The following RBFOX1 variants were observed in gnomAD, a reference collection of about 807,000 sequenced individuals.
The protein encoded by RBFOX1 is RNA binding protein fox-1 homolog 1.
In RBFOX1, 8 loss-of-function variants were observed where a neutral mutation model predicts 57.7. The ratio of observed to expected loss-of-function variants is 0.14; its 90% CI spans 0.08 to 0.25. The LOEUF is 0.25. Among genes scored for constraint, RBFOX1 ranks in the 10% least tolerant of loss-of-function variants. The pLI is 1.00. For missense variants in RBFOX1, 611 were observed against 548.5 expected (o/e 1.11, Z -1.14); for synonymous variants, 326 against 222.4 (o/e 1.47, Z -4.15).
chr16:6,651,671 T>C (rs2098597148), intron 2 of RBFOX1, among the ~76,000 whole-genome samples: 1 of 152,110 alleles, frequency 6.6e-6, no homozygotes, highest in African/African-American at 2.4e-5. Context: ...AATGAAACAT[T>C]GAATTACCAT....
intron 2 of RBFOX1, among the ~76,000 whole-genome samples, chr16:6,588,943 T>G (rs879350966): frequency 1.3e-5 from 2 of 152,144 alleles, no homozygotes; most frequent in Non-Finnish European, 2.9e-5. Flanking sequence ...GATACACTAG[T>G]CTTGTACTTA....
chr16:6,385,472 G>C lies in RBFOX1; in HGVS notation c.-64+68415G>C, dbSNP rs144375523. On this transcript the variant is annotated intron_variant, in intron 2 of 15. Coordinates refer to ENST00000550418, the MANE Select transcript of RBFOX1 (RefSeq NM_018723.4). Reference sequence around the variant, plus strand: ...CCTCCCAGGATCAAGTGATTCTCCTGCCTCTGCCTCCCCAGTAGCTGGGAT... The same window carrying C: ...CCTCCCAGGATCAAGTGATTCTCCTCCCTCTGCCTCCCCAGTAGCTGGGAT... Among the ~76,000 whole-genome samples, 17 of 152,292 alleles carry C rather than the reference G, an allele frequency of 1.1e-4. No individual in the cohort carries two copies. In the East Asian group the frequency reaches 3.3e-3, roughly 29 times the overall value.
At chr16:7,477,196 G>A (rs548489862) in intron 4 of RBFOX1, among the ~76,000 whole-genome samples, 4 of 152,162 alleles carry the variant, frequency 2.6e-5, no homozygotes, top group South Asian at 4.2e-4. Context: ...TGCTAAAATC[G>A]GTATATCTGT....
At chr16:7,167,472 C>G (rs1268535805) in intron 4 of RBFOX1, among the ~76,000 whole-genome samples, 2 of 152,080 alleles carry the variant, frequency 1.3e-5, no homozygotes, top group African/African-American at 2.4e-5. Flanking sequence ...GATGCAGCCA[C>G]AAGCCAAGGA....
chr16:6,255,272 C>T (rs750149791), intron 1 of RBFOX1, among the ~76,000 whole-genome samples: 12 of 152,166 alleles, frequency 7.9e-5, no homozygotes, highest in African/African-American at 2.9e-4. Context: ...CATTCCCAGG[C>T]ATGGGAAAAC....
rs551019227 is a variant in RBFOX1 at position 7,382,634 on chromosome 16, T to C, written c.28-135513T>C. 6.8e-4 allele frequency among the ~76,000 whole-genome samples: 104 copies of C among 152,336 alleles called. 1 individual carries two copies. The South Asian group carries it at 0.01, about 15-fold the overall frequency. On this transcript the variant is annotated intron_variant, in intron 4 of 15. Transcript: ENST00000550418. ...GCGCAAGATGGCAAGAACAGTGTTTTTCATAGTTAAAAGGAATTAAAATCT... is the reference window on the plus strand; with the variant it reads ...GCGCAAGATGGCAAGAACAGTGTTTCTCATAGTTAAAAGGAATTAAAATCT...
At position 6,607,882 on chromosome 16, in the gene RBFOX1, C is replaced by A. The variant is rs11644959; in HGVS notation, c.-63-46721C>A. Among the ~76,000 whole-genome samples, 378 of 152,246 alleles carry A rather than the reference C, an allele frequency of 2.5e-3. 4 individuals are homozygous for A. The highest frequency in any genetic ancestry group is 3.7e-3 in the Non-Finnish European group (254 of 68,026). ...TTTAGCCTTTAAAATTCTCTTTGTC[C>A]ACAAACCTCCTTGTTTCTGGAGTTG... On this transcript the variant is annotated intron_variant, in intron 2 of 15. Coordinates refer to ENST00000550418, the MANE Select transcript of RBFOX1 (RefSeq NM_018723.4).
intron 3 of RBFOX1, among the ~76,000 whole-genome samples, chr16:5,716,198 A>T (rs1051004563): frequency 6.6e-6 from 1 of 152,146 alleles, no homozygotes; most frequent in Non-Finnish European, 1.5e-5. Context: ...TTAAACTTTT[A>T]TTTGGTTGGC....
At chr16:7,441,804 C>T (rs952222412) in intron 4 of RBFOX1, among the ~76,000 whole-genome samples, 8 of 152,188 alleles carry the variant, frequency 5.3e-5, no homozygotes, top group African/African-American at 1.7e-4. Flanking sequence ...AACACAGACC[C>T]TCTTACTCAG....
intron 3 of RBFOX1, among the ~76,000 whole-genome samples, chr16:5,649,936 G>A (rs920746895): frequency 8.5e-5 from 13 of 152,298 alleles, no homozygotes; most frequent in African/African-American, 2.6e-4. Flanking sequence ...ACTCGAGTTC[G>A]CAAGAATCGC....
chr16:7,222,020 C>G (rs564871741), intron 4 of RBFOX1, among the ~76,000 whole-genome samples: 1 of 152,164 alleles, frequency 6.6e-6, no homozygotes, highest in Non-Finnish European at 1.5e-5. Context: ...TATTAGCCAG[C>G]CTGTCAGTCA....
chr16:5,978,892 T>G lies in RBFOX1; in HGVS notation c.351+111557T>G, dbSNP rs188764444. ...AATACTGTTCATCACGGTGCCCACT[T>G]TGGTGGGCTGAGGGGGTGGCTGCCA... On this transcript the variant is annotated intron_variant, in intron 4 of 19. Coordinates refer to the RBFOX1 transcript ENST00000641259. 2.8e-3 allele frequency among the ~76,000 whole-genome samples: 430 copies of G among 152,260 alleles called. 1 individual carries two copies. Among genetic ancestry groups the G allele is most frequent in the African/African-American group, 9.4e-3 (391 of 41,566 alleles).
chr16:5,367,701 A>T (rs2065756706), intron 1 of RBFOX1, among the ~76,000 whole-genome samples: 1 of 152,218 alleles, frequency 6.6e-6, no homozygotes, highest in African/African-American at 2.4e-5. Context: ...CTTAATCTTC[A>T]TAACTGCGCT....
chr16:6,492,202 G>C (rs2095648016), intron 2 of RBFOX1, among the ~76,000 whole-genome samples: 1 of 152,162 alleles, frequency 6.6e-6, no homozygotes, highest in Non-Finnish European at 1.5e-5. Context: ...ATTTGTTGAT[G>C]AAACAGGCAT....
chr16:6,774,039 T>G (rs1004001357), intron 3 of RBFOX1: 3 of 972,058 alleles, frequency 3.1e-6, no homozygotes, highest in Non-Finnish European at 3.7e-6. Flanking sequence ...TTTTTCTACC[T>G]GTAAATGCTC....
intron 3 of RBFOX1, among the ~76,000 whole-genome samples, chr16:7,024,497 A>C (rs76388605): frequency 0.038 from 5,746 of 152,296 alleles, 381 homozygotes; most frequent in African/African-American, 0.13. Context: ...AATAATAAGC[A>C]GTAGTTATAG....
At chr16:7,306,580 C>CGTGTGT (rs58761346) in intron 4 of RBFOX1, among the ~76,000 whole-genome samples, 8,557 of 148,990 alleles carry the variant, frequency 0.057, 312 homozygotes, top group Non-Finnish European at 0.085. Flanking sequence ...GAATGGTGTG[C>CGTGTGT]GTGTGTGTGT....
At chr16:7,113,534 A>G (rs1239334144) in intron 4 of RBFOX1, among the ~76,000 whole-genome samples, 1 of 152,162 alleles carries the variant, frequency 6.6e-6, no homozygotes, top group African/African-American at 2.4e-5. Flanking sequence ...GATGTATTGT[A>G]ACAGGAATAT....
intron 4 of RBFOX1, among the ~76,000 whole-genome samples, chr16:7,099,724 C>A (rs779371405): frequency 6.6e-6 from 1 of 152,060 alleles, no homozygotes; most frequent in African/African-American, 2.4e-5. Context: ...AGGGACACTT[C>A]AAGGAGGAAG....
Sources: gnomAD v4.1 joint callset for allele counts (sites outside exome capture counted in the v4.1 genomes callset) on GRCh38, gnomAD v4.1.1 for gene constraint, MANE v1.5 for transcripts, NCBI Gene and HGNC (gene_info 2026-07-23, HGNC 2026-07-21) for gene names.